Variants in PDZD7 observed in about 807,000 individuals in gnomAD.
PDZD7 encodes the protein PDZ domain containing 7, also known as PDZ domain-containing protein 7.
A neutral mutation model predicts 84.7 loss-of-function variants in PDZD7; 72 were observed. The observed-to-expected ratio is 0.85, with a 90% CI of 0.70 to 1.03. The LOEUF (loss-of-function observed/expected upper bound fraction) is 1.03. PDZD7 is among the 50% of genes least tolerant of loss of function. The pLI, the probability that PDZD7 is intolerant of heterozygous loss-of-function variation, is 0.00. For synonymous variants in PDZD7, 594 were observed against 580.7 expected (o/e 1.02, Z -0.33); for missense variants, 1,490 against 1,412.9 (o/e 1.05, Z -0.87).
At position 101,030,355 on chromosome 10, in the gene PDZD7, C is replaced by T. The variant is rs892932363; in HGVS notation, c.-136G>A. 11 of 767,034 alleles carry T rather than the reference C, an allele frequency of 1.4e-5. No individual in the cohort carries two copies. The highest frequency in any genetic ancestry group is 2.7e-5 in the East Asian group (1 of 37,566). 47.5% of individuals were successfully genotyped at this position (767,034 alleles called of 1,614,324 possible). A position where few individuals can be genotyped will look rare whatever the true frequency, so the allele number is the denominator to read the frequency against. The stretch of plus-strand genomic sequence containing the variant: ...TCAGTAACGTGAAGGCCCTCGCTTG[C>T]GATGCCTCTCAGAAGTGTGAGCTCC... On this transcript the variant is annotated 5_prime_UTR_variant, in exon 2 of 17. Transcript: ENST00000619208.
rs1382420063 is a variant in PDZD7, at chr10:101,020,640, A to G, written c.906T>C (p.Ser302=). The change falls in exon 7 of 17, where the codon TCT becomes TCC. Residue 302 remains serine (S), a synonymous_variant. Transcript: ENST00000619208. ...TACGTCGGTCCAGCCAGCAGTACTC[A>G]GAAACCATCTCCTTGTAGGCAGGAT... ...GRYPAYKEMV[S]EYCWLDRLSN... is the part of the protein sequence containing the mutation. The G allele has an allele frequency of 1.2e-6, 2 of 1,614,086 alleles. No homozygotes were observed.
chr10:101,022,288 A>G lies in PDZD7; in HGVS notation c.640T>C (p.Tyr214His), dbSNP rs771701401. The G allele has an allele frequency of 1.2e-6, 2 of 1,614,100 alleles. No individual in the cohort carries two copies. The highest frequency in any genetic ancestry group is 1.1e-5 in the South Asian group (1 of 91,090). ...EDGVRRIVHL[Y>H]TTSDDFCLGF... ...AGGCAGAAGTCGTCGGAGGTTGTGT[A>G]TAGGTGGACGATGCGCCGGACACCA... is the stretch of plus-strand genomic sequence containing the variant. The change falls in exon 5 of 17, where the codon TAC becomes CAC. Residue 214 changes from tyrosine (Y) to histidine (H), a missense_variant. Tyr to His is a moderately conservative substitution (Grantham distance 83, BLOSUM62 2). Coordinates refer to ENST00000619208, the MANE Select transcript of PDZD7 (RefSeq NM_001195263.2).
In PDZD7 at chr10:101,018,266, G is replaced by A. The variant is rs1852825091; in HGVS notation, c.1355C>T (p.Ser452Leu). The A allele has an allele frequency of 6.2e-7, 1 of 1,613,914 alleles. No individual in the cohort carries two copies. The highest frequency in any genetic ancestry group is 8.5e-7 in the Non-Finnish European group (1 of 1,180,030). Residue 452 changes from serine to leucine, a missense_variant, in exon 9 of 17, where the codon TCG (serine) becomes TTG (leucine). Physicochemically the swap from Ser to Leu is moderately radical, Grantham distance 145 (BLOSUM62 -2). Transcript: ENST00000619208. ...GGCACCCTTCTCCCCAGGGGACCCC[G>A]ACTTCTCCTTCTTCCGCTGCTGCTT... ...EEKQQRKKEK[S>L]GSPGEKGALQ...
At chr10:101,008,920 C>T in intron 16 of PDZD7, 70 bp from the exon 17 acceptor site, 2 of 1,437,402 alleles carry the variant, frequency 1.4e-6, no homozygotes, top group Middle Eastern at 3.9e-4. Flanking sequence ...AACCTGAAGG[C>T]AGCATCTTCT....
In PDZD7 at chr10:101,010,504, G is replaced by T. The variant is rs1245595263; in HGVS notation, c.2385C>A (p.Arg795=). 3.3e-6 allele frequency: 5 copies of T among 1,533,972 alleles called. No individual in the cohort carries two copies. Among genetic ancestry groups the T allele is most frequent in the Non-Finnish European group, 3.5e-6 (4 of 1,145,324 alleles). Reference sequence around the variant, plus strand: ...CAGGGGTAGGCACCGGGGATGGGGAGCGTCTACCTGGAGACTTGCCTTGAC... The same window carrying T: ...CAGGGGTAGGCACCGGGGATGGGGATCGTCTACCTGGAGACTTGCCTTGAC... ...SRGQGKSPGR[R]SPSPVPTPAP... is the part of the protein sequence containing the mutation. The change falls in exon 15 of 17, where the codon CGC becomes CGA. Residue 795 remains arginine, a synonymous_variant. Transcript: ENST00000619208.
intron 11 of PDZD7, among the ~76,000 whole-genome samples, chr10:101,014,671 G>GACAC (rs3051191): frequency 0.042 from 6,304 of 148,474 alleles, 209 homozygotes; most frequent in African/African-American, 0.09. Flanking sequence ...ACAATGCATG[G>GACAC]ACACACACAC....
chr10:101,008,533 G>T lies in PDZD7; in HGVS notation c.3036C>A (p.Ser1012Arg), dbSNP rs1435865226. ...TDARLLQPTP[S>R]PAPSPALQTP... is the part of the protein sequence containing the mutation. ...TCTGGAGGGCTGGGGAGGGGGCTGG[G>T]CTGGGAGTTGGCTGGAGGAGCCTGG... The change falls in exon 17 of 17, where the codon AGC (serine) becomes AGA (arginine). Residue 1012 changes from serine to arginine, a missense_variant. Physicochemically the swap from Ser to Arg is moderately radical, Grantham distance 110. Transcript: ENST00000619208. 4 of 1,535,086 alleles carry T rather than the reference G, an allele frequency of 2.6e-6. No individual in the cohort carries two copies. Among genetic ancestry groups the T allele is most frequent in the Non-Finnish European group, 2.6e-6 (3 of 1,146,634 alleles).
chr10:101,010,202 C>T, intron 15 of PDZD7, 70 bp downstream of exon 15: 1 of 1,455,948 alleles, frequency 6.9e-7, no homozygotes, highest in South Asian at 1.4e-5. Flanking sequence ...GCCCAATACT[C>T]CTCCAGATTC....
chr10:101,018,347 A>T, intron 8 of PDZD7, 51 bp from the exon 9 acceptor site: 5 of 1,527,142 alleles, frequency 3.3e-6, no homozygotes, highest in East Asian at 2.3e-5. Flanking sequence ...GCAGAAGGGA[A>T]GGACGAGGGG....
At chr10:101,026,767 A>C (rs1158699136) in intron 2 of PDZD7, among the ~76,000 whole-genome samples, 1 of 150,622 alleles carries the variant, frequency 6.6e-6, no homozygotes, top group South Asian at 2.1e-4. Flanking sequence ...GCAGCTCAGA[A>C]AGAAATCCCC....
intron 2 of PDZD7, among the ~76,000 whole-genome samples, chr10:101,025,522 TTTTATTTATTTATTTA>T (rs59545181): frequency 1.4e-5 from 2 of 138,042 alleles, no homozygotes; most frequent in South Asian, 2.4e-4. Flanking sequence ...ATGGAAGGGA[TTTTATTTATTTATTTA>T]TTTATTTATT....
At chr10:101,030,621 T>A (rs1241588508) in intron 1 of PDZD7, 1 of 379,008 alleles carries the variant, frequency 2.6e-6, no homozygotes, top group African/African-American at 2.1e-5. Context: ...CTGAGTCATC[T>A]ACTCCCGTCC....
chr10:101,008,437 CAGTG>C lies in PDZD7; in HGVS notation c.*26_*29del, dbSNP rs1852286900. On this transcript the variant is annotated 3_prime_UTR_variant, in exon 17 of 17. Coordinates refer to ENST00000619208, the MANE Select transcript of PDZD7 (RefSeq NM_001195263.2). ...CCTGGGGATAACGGGATGCTGGAGT[CAGTG>C]GGTGAATCTGAGGTTAGGGGGAGGG... 1 of 1,476,436 alleles carries C rather than the reference CAGTG, an allele frequency of 6.8e-7. No individual in the cohort carries two copies. The highest frequency in any genetic ancestry group is 9.0e-7 in the Non-Finnish European group (1 of 1,115,484). The allele number at this position is 1,476,436 out of a possible 1,614,324, so 91.5% of individuals were successfully genotyped here.
At chr10:101,017,307 G>C in intron 9 of PDZD7, 1 of 299,678 alleles carries the variant, frequency 3.3e-6, no homozygotes, top group Non-Finnish European at 6.1e-6. Flanking sequence ...AGAGATGGAG[G>C]GGGACAGATG....
Position 101,008,363 on chromosome 10 carries a change from G to T in PDZD7, c.*104C>A. The T allele has an allele frequency of 3.4e-6, 4 of 1,164,496 alleles. No homozygotes were observed. The highest frequency in any genetic ancestry group is 4.7e-6 in the Non-Finnish European group (4 of 848,922). 72.1% of individuals were successfully genotyped at this position (1,164,496 alleles called of 1,614,324 possible). ...GCCACCAGTGTGGCACTGGGAGGAG[G>T]CAGGGTGGGCAGGAGCTGGAGAGTC... On this transcript the variant is annotated 3_prime_UTR_variant, in exon 17 of 17. Transcript: ENST00000619208.
rs759067016 is a variant in PDZD7, at chr10:101,012,148, C to G, written c.1841+19G>C. The G allele has an allele frequency of 3.2e-6, 5 of 1,549,278 alleles. No individual in the cohort carries two copies. The Admixed American group carries it at 9.8e-5, about 30-fold the overall frequency. On this transcript the variant is annotated intron_variant, in intron 12 of 16. Transcript: ENST00000619208. ...GATCCCCTTCCTGCCCCCAAGCCCT[C>G]TCTGCAACCTCCTCCCACCTGATGT...
In PDZD7 at chr10:101,007,679, G is replaced by C. The variant is rs1696567101; in HGVS notation, c.*788C>G. On this transcript the variant is annotated 3_prime_UTR_variant, in exon 17 of 17. Coordinates refer to ENST00000619208, the MANE Select transcript of PDZD7 (RefSeq NM_001195263.2). ...GGGGGCTGAAGTCAGACCAAAGGAA[G>C]AACTCAGAAATGTCTTGTTTATTTG... 1 of 1,067,058 alleles carries C rather than the reference G, an allele frequency of 9.4e-7. No homozygotes were observed. Among genetic ancestry groups the C allele is most frequent in the African/African-American group, 1.7e-5 (1 of 58,442 alleles). 66.1% of individuals were successfully genotyped at this position (1,067,058 alleles called of 1,614,324 possible). A position where few individuals can be genotyped will look rare whatever the true frequency, so the allele number is the denominator to read the frequency against.
At chr10:101,024,157 A>G (rs932874598) in intron 2 of PDZD7, 89 bp from the exon 3 acceptor site, 68 of 1,598,068 alleles carry the variant, frequency 4.3e-5, no homozygotes, top group Non-Finnish European at 7.7e-6. Context: ...TGCAAAGGCT[A>G]GGTTGCTGGG....
At chr10:101,015,907 A>G (rs1590053146) in intron 10 of PDZD7, 96 bp from the exon 11 acceptor site, 2 of 1,343,536 alleles carry the variant, frequency 1.5e-6, no homozygotes, top group African/African-American at 1.5e-5. Flanking sequence ...TACCTGGGGC[A>G]GAATCCTAGC....
Sources: allele counts gnomAD v4.1 joint callset (sites outside exome capture counted in the v4.1 genomes callset), GRCh38; gene constraint gnomAD v4.1.1; transcripts MANE v1.5; gene names NCBI Gene and HGNC (gene_info 2026-07-23, HGNC 2026-07-21).